Variants in SCARB1 observed in about 807,000 individuals in gnomAD.
The protein encoded by SCARB1 is scavenger receptor class B member 1, also known as CD36 and LIMPII analogous 1.
A neutral mutation model predicts 57.2 loss-of-function variants in SCARB1; 30 were observed. That is an observed-to-expected ratio of 0.52 (90% CI 0.39 to 0.71). The LOEUF (loss-of-function observed/expected upper bound fraction) is 0.71. Among genes scored for constraint, SCARB1 ranks in the 30% least tolerant of loss-of-function variants. SCARB1 has a pLI of 0.00. For missense variants in SCARB1, 543 were observed against 671.2 expected, an observed-to-expected ratio of 0.81 and a Z score of 2.11; for synonymous variants, 249 against 268.3, an observed-to-expected ratio of 0.93 and a Z score of 0.70.
intron 1 of SCARB1, among the ~76,000 whole-genome samples, chr12:124,837,543 GA>G (rs879625042): frequency 0.46 from 21,929 of 48,156 alleles, 3,290 homozygotes; most frequent in East Asian, 0.56. Flanking sequence ...AGAAAGAAAA[GA>G]AAAGAAAAGA....
intron 1 of SCARB1, among the ~76,000 whole-genome samples, chr12:124,826,415 T>C (rs536373945): frequency 6.6e-6 from 1 of 152,008 alleles, no homozygotes; most frequent in East Asian, 1.9e-4. Context: ...TCACTATGTG[T>C]GTGTATATAG....
Position 124,833,744 on chromosome 12 carries a change from G to A in SCARB1, c.127-16037C>T, listed in dbSNP as rs769654242. On this transcript the variant is annotated intron_variant, in intron 1 of 12. Transcript: ENST00000261693. ...CTATCTTGGCCAGAAGGCAGGCTTC[G>A]CTAGAAACAAGGTGGACCCGGCAGG... 2.0e-3 allele frequency among the ~76,000 whole-genome samples: 310 copies of A among 152,280 alleles called. 2 individuals are homozygous for A. Among genetic ancestry groups the A allele is most frequent in the Middle Eastern group, 3.4e-3 (1 of 294 alleles).
chr12:124,798,841 T>C (rs1279720845), intron 8 of SCARB1, among the ~76,000 whole-genome samples: 4 of 139,048 alleles, frequency 2.9e-5, no homozygotes, highest in Non-Finnish European at 4.5e-5. Context: ...TGAAACTCCA[T>C]CTCAGAAAAA....
chr12:124,825,680 C>G (rs1227224496), intron 1 of SCARB1, among the ~76,000 whole-genome samples: 2 of 152,022 alleles, frequency 1.3e-5, no homozygotes, highest in Non-Finnish European at 1.5e-5. Flanking sequence ...TGAAAAACAA[C>G]AGAGAGCCCA....
At chr12:124,850,708 A>C (rs1386830992) in intron 1 of SCARB1, among the ~76,000 whole-genome samples, 1 of 152,214 alleles carries the variant, frequency 6.6e-6, no homozygotes, top group Non-Finnish European at 1.5e-5. Context: ...AAATACATAC[A>C]TAATAAACAG....
rs569847648 is a variant in SCARB1, at chr12:124,781,404, ACAGCTATTAT to A, written c.*1269_*1278del. Among the ~76,000 whole-genome samples, 146 of 152,220 alleles carry A rather than the reference ACAGCTATTAT, an allele frequency of 9.6e-4. No individual in the cohort carries two copies. The South Asian group carries it at 0.017, about 18-fold the overall frequency. On this transcript the variant is annotated intron_variant, in intron 12 of 12. Transcript: ENST00000261693. The stretch of plus-strand genomic sequence containing the variant: ...AGCACATTTTTCAGAAACTAAAATA[ACAGCTATTAT>A]CAGAGGCACCACGGTAGAGCGACTC...
chr12:124,832,519 C>CAA (rs59808483), intron 1 of SCARB1, among the ~76,000 whole-genome samples: 291 of 144,290 alleles, frequency 2.0e-3, no homozygotes, highest in African/African-American at 3.3e-3. Flanking sequence ...GACTTGGTCT[C>CAA]AAAAAAAAAA....
chr12:124,792,023 G>T (rs1373875170), intron 9 of SCARB1, among the ~76,000 whole-genome samples: 2 of 151,882 alleles, frequency 1.3e-5, no homozygotes, highest in African/African-American at 4.8e-5. Context: ...TGTTAAGTAG[G>T]GTATTGCACA....
chr12:124,834,908 C>T (rs1951570244), intron 1 of SCARB1, among the ~76,000 whole-genome samples: 1 of 151,692 alleles, frequency 6.6e-6, no homozygotes, highest in Admixed American at 6.6e-5. Flanking sequence ...ACCCTGTCCA[C>T]CCCCCCAAAA....
Position 124,804,277 on chromosome 12 carries a change from A to G in SCARB1, c.1009+3484T>C, listed in dbSNP as rs557458550. 2.0e-5 allele frequency among the ~76,000 whole-genome samples: 3 copies of G among 152,194 alleles called. No homozygotes were observed. In the East Asian group the frequency reaches 5.8e-4, roughly 29 times the overall value. On this transcript the variant is annotated intron_variant, in intron 7 of 12. Transcript: ENST00000261693. ...ACACAGGTGGCCCCCTTTCTGCAGG[A>G]CTCGGAGCTGGGCGGAGGTGAGCCT...
chr12:124,777,709 A>C lies in SCARB1; in HGVS notation c.*878T>G, dbSNP rs1872625199. ...AAACTCATTTCTATTCCAGTAGAAAAGGGTCACAGGTTTGCCCCAGGGTCC... is the reference window on the plus strand; with the variant it reads ...AAACTCATTTCTATTCCAGTAGAAACGGGTCACAGGTTTGCCCCAGGGTCC... On this transcript the variant is annotated 3_prime_UTR_variant, in exon 13 of 13. Coordinates refer to ENST00000261693, the MANE Select transcript of SCARB1 (RefSeq NM_005505.5). 6.6e-6 allele frequency: 1 copy of C among 152,272 alleles called. No individual in the cohort carries two copies. Among genetic ancestry groups the C allele is most frequent in the African/African-American group, 2.4e-5 (1 of 41,472 alleles). The allele number at this position is 152,272 out of a possible 1,614,324, so 9.4% of individuals were successfully genotyped here. A position where few individuals can be genotyped will look rare whatever the true frequency, so the allele number is the denominator to read the frequency against.
intron 1 of SCARB1, among the ~76,000 whole-genome samples, chr12:124,855,843 C>G (rs535377808): frequency 3.4e-4 from 52 of 152,340 alleles, no homozygotes; most frequent in Non-Finnish European, 2.2e-4. Flanking sequence ...ACTAAGGAAC[C>G]TCCATGCAGG....
intron 7 of SCARB1, among the ~76,000 whole-genome samples, chr12:124,806,006 C>T (rs977030040): frequency 3.6e-4 from 55 of 152,054 alleles, no homozygotes; most frequent in African/African-American, 1.2e-3. Flanking sequence ...AACTTCCGGC[C>T]GGTGCAACCA....
intron 1 of SCARB1, among the ~76,000 whole-genome samples, chr12:124,837,742 TAAA>T (rs35799687): frequency 6.8e-6 from 1 of 146,120 alleles, no homozygotes. Flanking sequence ...CACCAACCTA[TAAA>T]AAAAAAAAAT....
intron 7 of SCARB1, among the ~76,000 whole-genome samples, chr12:124,801,889 G>A (rs551399905): frequency 6.6e-5 from 10 of 150,986 alleles, no homozygotes; most frequent in East Asian, 2.0e-4. Context: ...GGTGGCTCAC[G>A]CCTGTAATCC....
chr12:124,793,328 T>C (rs1949797399), intron 9 of SCARB1, among the ~76,000 whole-genome samples: 1 of 152,152 alleles, frequency 6.6e-6, no homozygotes, highest in Non-Finnish European at 1.5e-5. Context: ...CACCAAGTTC[T>C]AGCAACGTGT....
chr12:124,788,946 C>G (rs1031579844), intron 9 of SCARB1, among the ~76,000 whole-genome samples: 1 of 152,110 alleles, frequency 6.6e-6, no homozygotes, highest in African/African-American at 2.4e-5. Context: ...AGGAAAAGGC[C>G]TGGAAGGAAG....
rs1443399902 is a variant in SCARB1 at position 124,812,637 on chromosome 12, G to A, written c.631-672C>T. Among the ~76,000 whole-genome samples the A allele has an allele frequency of 2.6e-5, 4 of 152,214 alleles. No individual in the cohort carries two copies. The South Asian group carries it at 8.3e-4, about 32-fold the overall frequency. ...GCTCCGAGAGCATTTCCCAGAAGCT[G>A]GTTTCTAATCCCAAAGACATGCAAA... is the stretch of plus-strand genomic sequence containing the variant. On this transcript the variant is annotated intron_variant, in intron 4 of 12. Transcript: ENST00000261693. This position sits in a 1 kb window ranked among gnomAD's most constrained non-coding sequence, Gnocchi z 4.3.
chr12:124,844,252 C>T (rs1048303210), intron 1 of SCARB1, among the ~76,000 whole-genome samples: 2 of 152,138 alleles, frequency 1.3e-5, no homozygotes, highest in Non-Finnish European at 2.9e-5. Flanking sequence ...TTAAACAGGG[C>T]AGCACGAGGA....
Sources: gnomAD v4.1 joint callset for allele counts (sites outside exome capture counted in the v4.1 genomes callset) on GRCh38, gnomAD v4.1.1 for gene constraint, Gnocchi (gnomAD v3.1) non-coding constraint, MANE v1.5 for transcripts, NCBI Gene and HGNC (gene_info 2026-07-23, HGNC 2026-07-21) for gene names.